ELAVL4: variants seen among roughly 807,000 people sequenced by gnomAD.
ELAVL4 encodes ELAV like RNA binding protein 4.
In ELAVL4, 1 loss-of-function variant was observed where a neutral mutation model predicts 35.6. That is an observed-to-expected ratio of 0.03 (90% CI 0.01 to 0.13). The LOEUF (loss-of-function observed/expected upper bound fraction) is 0.13, where lower values mean the gene tolerates loss of function less well. Ranked by LOEUF, ELAVL4 falls within the 10% of genes least tolerant of loss-of-function variation. ELAVL4 has a pLI of 1.00. For synonymous variants in ELAVL4, 156 were observed against 171.0 expected, an observed-to-expected ratio of 0.91 and a Z score of 0.69; for missense variants, 267 against 464.9, an observed-to-expected ratio of 0.57 and a Z score of 3.91.
chr1:50,139,891 G>C (rs924617949), intron 1 of ELAVL4, among the ~76,000 whole-genome samples: 4 of 152,154 alleles, frequency 2.6e-5, no homozygotes, highest in Admixed American at 2.0e-4. Context: ...TTAATGCATT[G>C]AGTGTGAGTA....
intron 3 of ELAVL4, among the ~76,000 whole-genome samples, chr1:50,187,330 C>T (rs1040912918): frequency 1.3e-5 from 2 of 152,136 alleles, no homozygotes; most frequent in African/African-American, 4.8e-5. Flanking sequence ...GTATCAAAGC[C>T]ATTGTTTATT....
intron 1 of ELAVL4, among the ~76,000 whole-genome samples, chr1:50,093,079 G>T (rs543354596): frequency 5.3e-5 from 8 of 152,306 alleles, no homozygotes; most frequent in African/African-American, 1.7e-4. Context: ...TTTGCTGAAT[G>T]AATTTATTGA....
At chr1:50,163,214 A>C (rs1187405310) in intron 2 of ELAVL4, among the ~76,000 whole-genome samples, 2 of 152,176 alleles carry the variant, frequency 1.3e-5, no homozygotes, top group Non-Finnish European at 1.5e-5. Flanking sequence ...GTCTCAATTC[A>C]GATATCACAT....
chr1:50,173,563 G>T (rs991252482), intron 2 of ELAVL4, among the ~76,000 whole-genome samples: 1 of 152,200 alleles, frequency 6.6e-6, no homozygotes, highest in African/African-American at 2.4e-5. Flanking sequence ...AGTAAGGGTT[G>T]TAGGTCACCT....
At chr1:50,175,387 T>TACACACACACACACAC (rs68082703) in intron 2 of ELAVL4, 1 of 142,996 alleles carries the variant, frequency 7.0e-6, no homozygotes, top group African/African-American at 2.7e-5. Flanking sequence ...CCACCACACG[T>TACACACACACACACAC]ACACACACAC....
At chr1:50,077,450 A>G (rs1167964466) in intron 1 of ELAVL4, among the ~76,000 whole-genome samples, 1 of 152,166 alleles carries the variant, frequency 6.6e-6, no homozygotes, top group Non-Finnish European at 1.5e-5. Flanking sequence ...ATTTTGTTCT[A>G]TTCAGGCCTT....
chr1:50,082,290 C>T (rs148902085), intron 1 of ELAVL4, among the ~76,000 whole-genome samples: 369 of 152,316 alleles, frequency 2.4e-3, no homozygotes, highest in African/African-American at 8.6e-3. Flanking sequence ...ATTTACACTC[C>T]TACCATCAGT....
At chr1:50,175,797 T>A (rs928625081) in intron 2 of ELAVL4, 2 of 152,180 alleles carry the variant, frequency 1.3e-5, no homozygotes, top group African/African-American at 4.8e-5. Context: ...GTTGGAAAGA[T>A]TTTTTGGCCG....
At chr1:50,150,167 A>C (rs1244394449) in intron 2 of ELAVL4, among the ~76,000 whole-genome samples, 4 of 152,230 alleles carry the variant, frequency 2.6e-5, no homozygotes, top group Non-Finnish European at 1.5e-5. Context: ...AATATGAAGC[A>C]GCATGGTCAA....
At chr1:50,110,903 C>T (rs2148536473) in intron 1 of ELAVL4, among the ~76,000 whole-genome samples, 1 of 151,802 alleles carries the variant, frequency 6.6e-6, no homozygotes, top group South Asian at 2.1e-4. Context: ...GCCGGGGAAA[C>T]GAACAGAGGA....
chr1:50,167,500 T>C (rs887425890), intron 2 of ELAVL4, among the ~76,000 whole-genome samples: 1 of 152,142 alleles, frequency 6.6e-6, no homozygotes, highest in Non-Finnish European at 1.5e-5. Flanking sequence ...AGAGGTCTAA[T>C]ATAATCAACC....
chr1:50,075,803 T>G (rs115008304), intron 1 of ELAVL4, among the ~76,000 whole-genome samples: 1,648 of 152,150 alleles, frequency 0.011, 25 homozygotes, highest in African/African-American at 0.038. Flanking sequence ...TTTTGACTTA[T>G]GATATAGATA....
At chr1:50,103,896 AAG>A (rs1303648915), upstream of ELAVL4, 2 of 1,609,736 alleles carry the variant, frequency 1.2e-6, no homozygotes, top group East Asian at 4.5e-5. Context: ...GACTGGTGTG[AAG>A]AGAGAGGCTC....
intron 1 of ELAVL4, among the ~76,000 whole-genome samples, chr1:50,113,696 G>A (rs1667469288): frequency 6.6e-6 from 1 of 152,074 alleles, no homozygotes; most frequent in Admixed American, 6.6e-5. Context: ...TTGTCCAGTC[G>A]ATGGGCCATG....
chr1:50,191,748 G>A lies in ELAVL4; in HGVS notation c.355-2017G>A, dbSNP rs149470036. 3.4e-3 allele frequency among the ~76,000 whole-genome samples: 523 copies of A among 152,272 alleles called. 2 individuals are homozygous for A. The highest frequency in any genetic ancestry group is 0.012 in the African/African-American group (510 of 41,546). ...GAAGATGTCATTTGATCTGAGCCCTGAAGAGGAGTAGGATTTGGACTTGAG... is the reference window on the plus strand; with the variant it reads ...GAAGATGTCATTTGATCTGAGCCCTAAAGAGGAGTAGGATTTGGACTTGAG... On this transcript the variant is annotated intron_variant, in intron 3 of 6. Coordinates refer to ENST00000371824, the MANE Select transcript of ELAVL4 (RefSeq NM_001144774.3).
At chr1:50,166,603 A>G (rs952854907) in intron 2 of ELAVL4, among the ~76,000 whole-genome samples, 4 of 152,114 alleles carry the variant, frequency 2.6e-5, no homozygotes, top group Non-Finnish European at 5.9e-5. Context: ...TCCTGGTGGA[A>G]TGACCCAAAC....
At chr1:50,161,180 T>C (rs1385182619) in intron 2 of ELAVL4, among the ~76,000 whole-genome samples, 2 of 152,190 alleles carry the variant, frequency 1.3e-5, no homozygotes, top group African/African-American at 4.8e-5. Flanking sequence ...CATGTGAGAG[T>C]AAGCCAACCA....
chr1:50,055,404 A>G (rs959339435), intron 1 of ELAVL4, among the ~76,000 whole-genome samples: 7 of 151,872 alleles, frequency 4.6e-5, no homozygotes, highest in East Asian at 2.0e-4. Context: ...GGCTTACACC[A>G]TGCTCCTTCC....
chr1:50,112,853 C>G (rs1183035650), intron 1 of ELAVL4, among the ~76,000 whole-genome samples: 1 of 151,936 alleles, frequency 6.6e-6, no homozygotes, highest in African/African-American at 2.4e-5. Flanking sequence ...TTTTTCTCTC[C>G]CAATACTCCT....
Sources: allele counts gnomAD v4.1 joint callset (sites outside exome capture counted in the v4.1 genomes callset), GRCh38; gene constraint gnomAD v4.1.1; transcripts MANE v1.5; gene names NCBI Gene and HGNC (gene_info 2026-07-23, HGNC 2026-07-21).